KCNMA1: variants seen among roughly 807,000 people sequenced by gnomAD.
KCNMA1 encodes the protein potassium calcium-activated channel subfamily M alpha 1, also known as Calcium-activated potassium channel subunit alpha-1.
A neutral mutation model predicts 140.0 loss-of-function variants in KCNMA1; 29 were observed. The ratio of observed to expected loss-of-function variants is 0.21; its 90% CI spans 0.15 to 0.28. The LOEUF (loss-of-function observed/expected upper bound fraction) is 0.28, where lower values mean the gene tolerates loss of function less well. KCNMA1 is among the 10% of genes least tolerant of loss of function. The pLI is 1.00. For missense variants in KCNMA1, 880 were observed against 1,602.2 expected (o/e 0.55, Z 7.70); for synonymous variants, 612 against 611.9 (o/e 1.00, Z 0.00).
At chr10:77,557,678 G>A (rs1486896686) in intron 1 of KCNMA1, among the ~76,000 whole-genome samples, 7 of 126,782 alleles carry the variant, frequency 5.5e-5, no homozygotes, top group South Asian at 5.0e-4. Context: ...ATGGAATTTC[G>A]TTCTTGTCAC....
chr10:77,445,184 G>A (rs544972405), intron 1 of KCNMA1, among the ~76,000 whole-genome samples: 1 of 152,204 alleles, frequency 6.6e-6, no homozygotes, highest in East Asian at 1.9e-4. Context: ...ATGGGGCTAG[G>A]ATCCCCACTT....
intron 5 of KCNMA1, among the ~76,000 whole-genome samples, chr10:77,131,630 G>A: frequency 6.6e-6 from 1 of 151,822 alleles, no homozygotes; most frequent in Non-Finnish European, 1.5e-5. Context: ...TGTTTCTTGA[G>A]CTGAGCGTTG....
intron 18 of KCNMA1, among the ~76,000 whole-genome samples, chr10:77,007,673 A>ATATATATATG (rs201799760): frequency 9.1e-5 from 13 of 142,502 alleles, no homozygotes; most frequent in African/African-American, 3.1e-4. Flanking sequence ...ATATATATAT[A>ATATATATATG]TATGTATCAC....
intron 2 of KCNMA1, among the ~76,000 whole-genome samples, chr10:77,369,538 A>G (rs944988681): frequency 1.3e-5 from 2 of 152,154 alleles, no homozygotes; most frequent in African/African-American, 2.4e-5. Flanking sequence ...CTAGATGTAT[A>G]TTGGAATCCT....
chr10:77,500,637 CTT>C (rs1469019342), intron 1 of KCNMA1, among the ~76,000 whole-genome samples: 1 of 152,138 alleles, frequency 6.6e-6, no homozygotes, highest in Admixed American at 6.5e-5. Context: ...AAGTCAATGA[CTT>C]TTAGGCACAA....
At chr10:77,441,176 G>C (rs1275201121) in intron 1 of KCNMA1, among the ~76,000 whole-genome samples, 1 of 152,138 alleles carries the variant, frequency 6.6e-6, no homozygotes. Flanking sequence ...GAAGGGCCCT[G>C]AACGACTGAA....
intron 9 of KCNMA1, among the ~76,000 whole-genome samples, chr10:77,092,710 T>C (rs1411051481): frequency 6.6e-6 from 1 of 152,244 alleles, no homozygotes; most frequent in Non-Finnish European, 1.5e-5. Flanking sequence ...TTCGAAGTTC[T>C]ATACCAGCAT....
intron 2 of KCNMA1, among the ~76,000 whole-genome samples, chr10:77,403,128 G>C (rs2096334312): frequency 6.6e-6 from 1 of 152,126 alleles, no homozygotes; most frequent in African/African-American, 2.4e-5. Context: ...TCCCAGTAAT[G>C]ATCCTTGACA....
At chr10:76,941,518 G>T (rs552308275) in intron 23 of KCNMA1, among the ~76,000 whole-genome samples, 1 of 152,276 alleles carries the variant, frequency 6.6e-6, no homozygotes, top group South Asian at 2.1e-4. Context: ...GCCTTTACAA[G>T]GTTAGAGTAT....
At chr10:77,589,827 G>A (rs1230161404) in intron 1 of KCNMA1, among the ~76,000 whole-genome samples, 2 of 152,102 alleles carry the variant, frequency 1.3e-5, no homozygotes, top group East Asian at 3.9e-4. Context: ...TCGCAAAGAG[G>A]GAAAGAACAA....
Position 76,887,209 on chromosome 10 carries a change from C to A in KCNMA1, c.*57G>T. 6.2e-7 allele frequency: 1 copy of A among 1,613,612 alleles called. No individual in the cohort carries two copies. Among genetic ancestry groups the A allele is most frequent in the South Asian group, 1.1e-5 (1 of 90,600 alleles). On this transcript the variant is annotated 3_prime_UTR_variant, in exon 28 of 28. Coordinates refer to ENST00000286628, the MANE Select transcript of KCNMA1 (RefSeq NM_001161352.2). ...AGGGAAAGTTACTTTGTTGGAAACACCAACTGGGGAAATGAGTGGCAGATA... is the reference window on the plus strand; with the variant it reads ...AGGGAAAGTTACTTTGTTGGAAACAACAACTGGGGAAATGAGTGGCAGATA...
chr10:76,897,408 G>A (rs540136697), intron 25 of KCNMA1, among the ~76,000 whole-genome samples: 67 of 152,018 alleles, frequency 4.4e-4, no homozygotes, highest in African/African-American at 1.5e-3. Flanking sequence ...AGAAATACAA[G>A]TATAAAATAA....
chr10:77,141,265 C>T (rs193175295), intron 5 of KCNMA1, among the ~76,000 whole-genome samples: 2 of 152,194 alleles, frequency 1.3e-5, no homozygotes, highest in Admixed American at 1.3e-4. Flanking sequence ...TCATTACCAA[C>T]CCCAGCCCCC....
intron 2 of KCNMA1, among the ~76,000 whole-genome samples, chr10:77,334,591 G>A (rs2088033501): frequency 6.6e-6 from 1 of 152,140 alleles, no homozygotes; most frequent in African/African-American, 2.4e-5. Flanking sequence ...AAGGCATTTT[G>A]AAAATAGGTG....
At chr10:77,323,407 A>G (rs2082935959) in intron 2 of KCNMA1, among the ~76,000 whole-genome samples, 1 of 152,214 alleles carries the variant, frequency 6.6e-6, no homozygotes, top group Admixed American at 6.5e-5. Context: ...GTGGGGGGCA[A>G]ATTCTAAAGA....
chr10:77,418,339 T>G (rs1212241732), intron 1 of KCNMA1, among the ~76,000 whole-genome samples: 1 of 152,162 alleles, frequency 6.6e-6, no homozygotes, highest in Non-Finnish European at 1.5e-5. Flanking sequence ...ACCCTGGACG[T>G]CGAGAGAGAC....
At chr10:76,935,022 A>G (rs2131219) in intron 23 of KCNMA1, among the ~76,000 whole-genome samples, 11,491 of 152,296 alleles carry the variant, frequency 0.075, 935 homozygotes, top group African/African-American at 0.2. Flanking sequence ...CAAGAAAAAC[A>G]GAAAAGAAAG....
intron 3 of KCNMA1, among the ~76,000 whole-genome samples, chr10:77,248,144 T>C (rs1242250243): frequency 6.6e-6 from 1 of 152,206 alleles, no homozygotes; most frequent in Non-Finnish European, 1.5e-5. Flanking sequence ...ATGACCTTTC[T>C]CTGAGCTGTA....
chr10:77,636,162 G>C, intron 1 of KCNMA1: 3 of 1,390,420 alleles, frequency 2.2e-6, no homozygotes, highest in Non-Finnish European at 2.8e-6. Flanking sequence ...CCCCTAGGAT[G>C]GGAATTACTC....
Sources: gnomAD v4.1 joint callset for allele counts (sites outside exome capture counted in the v4.1 genomes callset) on GRCh38, gnomAD v4.1.1 for gene constraint, MANE v1.5 for transcripts, NCBI Gene and HGNC (gene_info 2026-07-23, HGNC 2026-07-21) for gene names.